Variants in NFATC3 observed in about 807,000 individuals in gnomAD.
NFATC3 encodes nuclear factor of activated T-cells, cytoplasmic 3.
NFATC3 carries 46 observed loss-of-function variants against 98.6 expected under a neutral mutation model. The observed-to-expected ratio is 0.47, with a 90% CI of 0.37 to 0.60. The LOEUF is 0.60. Ranked by LOEUF, NFATC3 falls within the 20% of genes least tolerant of loss-of-function variation. NFATC3 has a pLI of 0.00. For synonymous variants in NFATC3, 512 were observed against 472.2 expected, an observed-to-expected ratio of 1.08 and a Z score of -1.09; for missense variants, 1,256 against 1,295.5, an observed-to-expected ratio of 0.97 and a Z score of 0.47.
intron 6 of NFATC3, among the ~76,000 whole-genome samples, chr16:68,176,964 A>G (rs1252495830): frequency 2.0e-5 from 3 of 150,884 alleles, no homozygotes; most frequent in Non-Finnish European, 3.0e-5. Flanking sequence ...TGGTTGTAGG[A>G]CTAGTCAGAT....
intron 9 of NFATC3, among the ~76,000 whole-genome samples, chr16:68,194,313 A>G (rs1171570121): frequency 6.6e-6 from 1 of 152,196 alleles, no homozygotes; most frequent in African/African-American, 2.4e-5. Flanking sequence ...CCAGAAATGC[A>G]TGTGCACAAT....
At chr16:68,205,259 G>A (rs1000048003) in intron 9 of NFATC3, among the ~76,000 whole-genome samples, 8 of 151,888 alleles carry the variant, frequency 5.3e-5, no homozygotes, top group African/African-American at 1.9e-4. Context: ...TCTTTGGTGG[G>A]GGAACGGAGA....
chr16:68,191,382 C>G lies in NFATC3; in HGVS notation c.2713C>G (p.Gln905Glu). The change falls in exon 9 of 10, where the codon CAG (glutamine) becomes GAG (glutamate). Residue 905 changes from glutamine to glutamate, a missense_variant. Gln to Glu is a conservative substitution (Grantham distance 29). Coordinates refer to ENST00000346183, the MANE Select transcript of NFATC3 (RefSeq NM_173165.3). ...TCCAGTGGCTGACCAGATTACAGGT[C>G]AGCCTTCGTCTCAGTTACAACCTAT... ...SSPVADQITGQPSSQLQPITY... is the reference protein window; with the variant it reads ...SSPVADQITGEPSSQLQPITY... The G allele has an allele frequency of 1.2e-6, 2 of 1,614,180 alleles. No homozygotes were observed. The highest frequency in any genetic ancestry group is 2.2e-5 in the South Asian group (2 of 91,074).
At chr16:68,133,516 T>G (rs888062969) in intron 3 of NFATC3, among the ~76,000 whole-genome samples, 1 of 152,178 alleles carries the variant, frequency 6.6e-6, no homozygotes, top group African/African-American at 2.4e-5. Context: ...CAAGTATAAA[T>G]ACTCATAAAA....
At chr16:68,110,604 GCGCCCAGCCTGATTTTTTTTT>G (rs1364300333) in intron 1 of NFATC3, among the ~76,000 whole-genome samples, 1 of 150,428 alleles carries the variant, frequency 6.6e-6, no homozygotes, top group Non-Finnish European at 1.5e-5. Flanking sequence ...GTGAGCCACC[GCGCCCAGCCTGATTTTTTTTT>G]TTAAGGGTTT....
intron 9 of NFATC3, chr16:68,224,947 G>T (rs1178167935): frequency 2.6e-5 from 4 of 151,688 alleles, no homozygotes; most frequent in African/African-American, 7.3e-5. Flanking sequence ...TTTTTATATT[G>T]ATTGATTGAT....
intron 3 of NFATC3, among the ~76,000 whole-genome samples, chr16:68,153,758 C>G (rs2038464656): frequency 6.6e-6 from 1 of 151,854 alleles, no homozygotes; most frequent in African/African-American, 2.4e-5. Context: ...GGACTACAGG[C>G]ACCTGCCACC....
Position 68,122,861 on chromosome 16 carries a change from T to G in NFATC3, c.978T>G (p.Phe326Leu). The change falls in exon 2 of 10, where the codon TTT becomes TTG. Residue 326 changes from phenylalanine to leucine, a missense_variant. Phe to Leu is a conservative substitution (Grantham distance 22, BLOSUM62 0). Coordinates refer to ENST00000346183, the MANE Select transcript of NFATC3 (RefSeq NM_173165.3). ...HGGSGLGPAVFPFQYCVETDI... is the reference protein window; with the variant it reads ...HGGSGLGPAVLPFQYCVETDI... ...GGTCAGGCCTTGGCCCTGCAGTTTTTCCATTTCAGTACTGTGTAGAGACTG... is the reference window on the plus strand; with the variant it reads ...GGTCAGGCCTTGGCCCTGCAGTTTTGCCATTTCAGTACTGTGTAGAGACTG... 1 of 1,614,202 alleles carries G rather than the reference T, an allele frequency of 6.2e-7. No individual in the cohort carries two copies. The highest frequency in any genetic ancestry group is 8.5e-7 in the Non-Finnish European group (1 of 1,180,026).
chr16:68,174,402 T>C lies in NFATC3; in HGVS notation c.1803T>C (p.His601=), dbSNP rs2039597126. 1 of 1,558,540 alleles carries C rather than the reference T, an allele frequency of 6.4e-7. No homozygotes were observed. The highest frequency in any genetic ancestry group is 2.3e-5 in the East Asian group (1 of 42,906). The change falls in exon 6 of 10, where the codon CAT becomes CAC. Residue 601 remains histidine, a synonymous_variant. Transcript: ENST00000346183. ...AGCGGTCTGCTCAAGAACTTCCTCA[T>C]ATTGAGAAGTACAGTATCAACAGTT... The part of the protein sequence containing the change: ...CSQRSAQELP[H]IEKYSINSCS...
At chr16:68,218,533 A>T (rs1457275738) in intron 9 of NFATC3, among the ~76,000 whole-genome samples, 11 of 142,496 alleles carry the variant, frequency 7.7e-5, no homozygotes, top group East Asian at 2.1e-4. Flanking sequence ...AAAAAAAAAA[A>T]GGTGAATTCA....
At chr16:68,160,105 G>A (rs1245759726) in intron 4 of NFATC3, among the ~76,000 whole-genome samples, 2 of 152,048 alleles carry the variant, frequency 1.3e-5, no homozygotes, top group Non-Finnish European at 2.9e-5. Flanking sequence ...TTTCAGTCTT[G>A]AGCTCTCTTC....
At chr16:68,159,404 C>CTT (rs577760579) in intron 4 of NFATC3, among the ~76,000 whole-genome samples, 18 of 133,352 alleles carry the variant, frequency 1.3e-4, no homozygotes, top group South Asian at 5.0e-4. Context: ...ACCTTTCTTT[C>CTT]TTTTTTTTTT....
chr16:68,216,168 G>A (rs956578698), intron 9 of NFATC3, among the ~76,000 whole-genome samples: 2 of 152,124 alleles, frequency 1.3e-5, no homozygotes, highest in African/African-American at 2.4e-5. Context: ...TGGATTTTTG[G>A]GTCTGGAGCT....
chr16:68,098,585 C>A (rs2035171142), intron 1 of NFATC3, among the ~76,000 whole-genome samples: 1 of 152,110 alleles, frequency 6.6e-6, no homozygotes, highest in African/African-American at 2.4e-5. Context: ...CAGGTGTGAA[C>A]CACTGTGCCC....
chr16:68,184,308 C>T (rs991742316), intron 8 of NFATC3, among the ~76,000 whole-genome samples: 6 of 151,696 alleles, frequency 4.0e-5, no homozygotes, highest in Non-Finnish European at 8.8e-5. Flanking sequence ...GGAGAAGGAA[C>T]AGAAGGGAAA....
chr16:68,120,311 C>G (rs2036504371), intron 1 of NFATC3, among the ~76,000 whole-genome samples: 1 of 147,390 alleles, frequency 6.8e-6, no homozygotes, highest in African/African-American at 2.5e-5. Flanking sequence ...GGTGTGGTGG[C>G]TCATGCTTGT....
chr16:68,203,461 G>T (rs1386547200), intron 9 of NFATC3, among the ~76,000 whole-genome samples: 1 of 151,944 alleles, frequency 6.6e-6, no homozygotes, highest in African/African-American at 2.4e-5. Flanking sequence ...GTGAAACCCT[G>T]TCTCTATAAA....
At chr16:68,178,715 G>A (rs2039825144) in intron 6 of NFATC3, among the ~76,000 whole-genome samples, 1 of 152,204 alleles carries the variant, frequency 6.6e-6, no homozygotes, top group African/African-American at 2.4e-5. Context: ...AAGAGACGGT[G>A]TCTCAGAGCT....
chr16:68,116,018 G>A (rs930242563), intron 1 of NFATC3, among the ~76,000 whole-genome samples: 2 of 152,090 alleles, frequency 1.3e-5, no homozygotes, highest in Non-Finnish European at 2.9e-5. Context: ...CCATCAAGCA[G>A]CAATGTGAAG....
Sources: allele counts gnomAD v4.1 joint callset (sites outside exome capture counted in the v4.1 genomes callset), GRCh38; gene constraint gnomAD v4.1.1; transcripts MANE v1.5; gene names NCBI Gene and HGNC (gene_info 2026-07-23, HGNC 2026-07-21).